Variants in ATL1 observed in about 807,000 individuals in gnomAD.
ATL1 encodes the protein atlastin-1.
A neutral mutation model predicts 75.5 loss-of-function variants in ATL1; 31 were observed. That is an observed-to-expected ratio of 0.41 (90% CI 0.31 to 0.55). The LOEUF is 0.55. ATL1 is among the 20% of genes least tolerant of loss of function. The pLI is 0.27. For synonymous variants in ATL1, 226 were observed against 233.3 expected, an observed-to-expected ratio of 0.97 and a Z score of 0.28; for missense variants, 405 against 662.6, an observed-to-expected ratio of 0.61 and a Z score of 4.27.
At position 50,614,406 on chromosome 14, in the gene ATL1, G is replaced by A. The variant is rs864622520; in HGVS notation, c.757G>A (p.Val253Ile). The A allele has an allele frequency of 6.2e-7, 1 of 1,614,008 alleles. No homozygotes were observed. The highest frequency in any genetic ancestry group is 1.3e-5 in the African/African-American group (1 of 75,002). ...GAACCAGCATGAAGAACTACAGAAC[G>A]TCAGAAAACACATCCATTCCTGTTT... ...SGNQHEELQNVRKHIHSCFTN... is the reference protein window; with the variant it reads ...SGNQHEELQNIRKHIHSCFTN... Residue 253 changes from valine (V) to isoleucine (I), a missense_variant, in exon 8 of 14, where the codon GTC (valine) becomes ATC (isoleucine). Physicochemically the swap from Val to Ile is conservative, Grantham distance 29. Transcript: ENST00000358385.
intron 6 of ATL1, among the ~76,000 whole-genome samples, chr14:50,598,599 G>A (rs907562553): frequency 6.6e-6 from 1 of 152,020 alleles, no homozygotes; most frequent in African/African-American, 2.4e-5. Flanking sequence ...CTGACCTCAG[G>A]TTATCTGCCC....
At chr14:50,554,231 G>A (rs889641577) in intron 1 of ATL1, among the ~76,000 whole-genome samples, 31 of 152,014 alleles carry the variant, frequency 2.0e-4, no homozygotes, top group African/African-American at 6.8e-4. Context: ...ACTCAAATTC[G>A]TTATATAACC....
intron 4 of ATL1, among the ~76,000 whole-genome samples, chr14:50,593,304 A>C (rs1258916805): frequency 6.6e-6 from 1 of 152,162 alleles, no homozygotes; most frequent in South Asian, 2.1e-4. Context: ...TAAATATATA[A>C]GCCTCCTTAA....
intron 1 of ATL1, among the ~76,000 whole-genome samples, chr14:50,537,607 T>G (rs1357775923): frequency 6.6e-6 from 1 of 152,236 alleles, no homozygotes; most frequent in East Asian, 1.9e-4. Context: ...AGAGGGAGGC[T>G]GTACCCTGCA....
chr14:50,612,945 C>A (rs927002600), intron 6 of ATL1, among the ~76,000 whole-genome samples: 1 of 152,070 alleles, frequency 6.6e-6, no homozygotes, highest in Non-Finnish European at 1.5e-5. Context: ...GGAACCTATT[C>A]TACACAAAAT....
chr14:50,548,291 G>A (rs1235535768), intron 1 of ATL1, among the ~76,000 whole-genome samples: 1 of 152,288 alleles, frequency 6.6e-6, no homozygotes, highest in South Asian at 2.1e-4. Context: ...TCAGCCCATT[G>A]TACACCCTAA....
At chr14:50,589,352 G>GTGA (rs2039133450) in intron 2 of ATL1, among the ~76,000 whole-genome samples, 1 of 151,804 alleles carries the variant, frequency 6.6e-6, no homozygotes, top group Non-Finnish European at 1.5e-5. Context: ...TAGAGACAGG[G>GTGA]TTTCACTATG....
At chr14:50,631,241 G>C (rs1031154999) in intron 13 of ATL1, among the ~76,000 whole-genome samples, 1 of 150,392 alleles carries the variant, frequency 6.6e-6, no homozygotes, top group Non-Finnish European at 1.5e-5. Flanking sequence ...GCCTGAGCGA[G>C]AGAGTGAGAT....
intron 8 of ATL1, among the ~76,000 whole-genome samples, chr14:50,617,443 A>C (rs891473752): frequency 1.3e-5 from 2 of 152,174 alleles, no homozygotes; most frequent in Admixed American, 6.6e-5. Context: ...ACATTATAAG[A>C]TGTGGAGCTG....
At chr14:50,609,554 A>C (rs192269807) in intron 6 of ATL1, among the ~76,000 whole-genome samples, 53 of 152,098 alleles carry the variant, frequency 3.5e-4, no homozygotes, top group African/African-American at 1.2e-3. Context: ...TTGATTCAAG[A>C]TTCTTGGACA....
intron 6 of ATL1, 33 bp downstream of exon 6, chr14:50,595,665 C>A (rs761383761): frequency 1.4e-5 from 23 of 1,595,360 alleles, no homozygotes; most frequent in Non-Finnish European, 2.0e-5. Context: ...TAAATTCTTA[C>A]TAGATTTTCC....
intron 6 of ATL1, among the ~76,000 whole-genome samples, chr14:50,606,009 CT>C (rs2039314637): frequency 6.6e-6 from 1 of 151,842 alleles, no homozygotes; most frequent in Admixed American, 6.6e-5. Flanking sequence ...GAAAAAGTAG[CT>C]TGTTTAGAAG....
At chr14:50,559,943 GTTTA>G (rs1217304778), upstream of ATL1, 5 of 439,468 alleles carry the variant, frequency 1.1e-5, no homozygotes, top group African/African-American at 6.0e-5. Flanking sequence ...GGGGGGTGCT[GTTTA>G]TTTGTTTGTG....
Position 50,623,071 on chromosome 14 carries a change from G to A in ATL1, c.1048-106G>A, listed in dbSNP as rs1197667763. ...GTTTTAAATTATTTTGAGGACTTTG[G>A]TTTCTTGCACATTTCTTGCACATGA... is the stretch of plus-strand genomic sequence containing the variant. On this transcript the variant is annotated intron_variant, in intron 10 of 13. Coordinates refer to ENST00000358385, the MANE Select transcript of ATL1 (RefSeq NM_015915.5). 3.3e-6 allele frequency: 3 copies of A among 901,158 alleles called. No individual in the cohort carries two copies. The African/African-American group carries it at 5.0e-5, about 15-fold the overall frequency. 55.8% of individuals were successfully genotyped at this position (901,158 alleles called of 1,614,324 possible).
intron 1 of ATL1, among the ~76,000 whole-genome samples, chr14:50,545,781 C>T (rs2038623671): frequency 6.6e-6 from 1 of 152,066 alleles, no homozygotes; most frequent in East Asian, 1.9e-4. Context: ...CTTATGTTTC[C>T]AAAAACATGG....
At chr14:50,582,214 G>A (rs2039062261) in intron 1 of ATL1, among the ~76,000 whole-genome samples, 1 of 151,508 alleles carries the variant, frequency 6.6e-6, no homozygotes, top group South Asian at 2.1e-4. Flanking sequence ...GGGAGGCAGA[G>A]GTTGCAGTGA....
intron 1 of ATL1, among the ~76,000 whole-genome samples, 159 bp from the exon 2 acceptor site, chr14:50,587,672 G>A: frequency 6.6e-6 from 1 of 152,156 alleles, no homozygotes; most frequent in Admixed American, 6.5e-5. Flanking sequence ...GCCTCCCAAG[G>A]TGCTAGGATT....
chr14:50,551,889 A>G (rs2140160951), intron 1 of ATL1, among the ~76,000 whole-genome samples: 1 of 152,322 alleles, frequency 6.6e-6, no homozygotes, highest in East Asian at 1.9e-4. Flanking sequence ...TCTATGACAC[A>G]CCAACAGGCA....
intron 1 of ATL1, 186 bp downstream of exon 1, chr14:50,560,485 G>C (rs1390465281): frequency 1.3e-6 from 1 of 747,140 alleles, no homozygotes; most frequent in Non-Finnish European, 2.2e-6. Flanking sequence ...CCGCGTCACC[G>C]AATCGCGCTG....
Sources: gnomAD v4.1 joint callset for allele counts (sites outside exome capture counted in the v4.1 genomes callset) on GRCh38, gnomAD v4.1.1 for gene constraint, MANE v1.5 for transcripts, NCBI Gene and HGNC (gene_info 2026-07-23, HGNC 2026-07-21) for gene names.